IRF2: variants seen among roughly 807,000 people sequenced by gnomAD.
IRF2 encodes interferon regulatory factor 2.
IRF2 carries 15 observed loss-of-function variants against 40.6 expected under a neutral mutation model. The observed-to-expected ratio is 0.37, with a 90% CI of 0.25 to 0.57. The LOEUF is 0.57. Among genes scored for constraint, IRF2 ranks in the 20% least tolerant of loss-of-function variants. The pLI is 0.77. For synonymous variants in IRF2, 151 were observed against 165.5 expected, an observed-to-expected ratio of 0.91 and a Z score of 0.67; for missense variants, 317 against 455.7, an observed-to-expected ratio of 0.70 and a Z score of 2.77.
chr4:184,392,475 G>T (rs1561080408), intron 7 of IRF2, among the ~76,000 whole-genome samples: 1 of 152,210 alleles, frequency 6.6e-6, no homozygotes, highest in East Asian at 1.9e-4. Context: ...TCTCACAGGG[G>T]TCCCACGTCA....
At position 184,424,734 on chromosome 4, in the gene IRF2, G is replaced by A. The variant is rs556021013; in HGVS notation, c.87+4244C>T. Among the ~76,000 whole-genome samples the A allele has an allele frequency of 9.9e-5, 15 of 152,284 alleles. No homozygotes were observed. The South Asian group carries it at 2.9e-3, about 29-fold the overall frequency. On this transcript the variant is annotated intron_variant, in intron 2 of 8. Coordinates refer to ENST00000393593, the MANE Select transcript of IRF2 (RefSeq NM_002199.4). ...CAAATTATCCAGAGTCAGGTATTCTGTTAGAAGCAACAGGGAACAGACTAA... is the reference window on the plus strand; with the variant it reads ...CAAATTATCCAGAGTCAGGTATTCTATTAGAAGCAACAGGGAACAGACTAA...
Position 184,389,000 on chromosome 4 carries a change from C to G in IRF2, c.808G>C (p.Gly270Arg). ...KQYLSNMGTR[G>R]SYLLPGMASF... ...GCCATGCCGGGCAGCAGGTAGGAGC[C>G]TCGAGTCCCCATGTTGCTGAGGTAC... Residue 270 changes from glycine to arginine, a missense_variant, in exon 9 of 9, where the codon GGC (glycine) becomes CGC (arginine). By Grantham distance (125) the Gly-to-Arg change is moderately radical (BLOSUM62 -2). Transcript: ENST00000393593. The surrounding 1 kb of genome is among the most constrained non-coding windows in gnomAD (Gnocchi z 4.6). 1 of 1,614,226 alleles carries G rather than the reference C, an allele frequency of 6.2e-7. No individual in the cohort carries two copies. The highest frequency in any genetic ancestry group is 1.3e-5 in the African/African-American group (1 of 75,054).
intron 1 of IRF2, among the ~76,000 whole-genome samples, chr4:184,473,447 G>C (rs1388409897): frequency 2.0e-5 from 3 of 147,510 alleles, no homozygotes; most frequent in African/African-American, 7.3e-5. Flanking sequence ...CTGACCCCTC[G>C]GCACGGTGCC....
intron 6 of IRF2, among the ~76,000 whole-genome samples, chr4:184,405,065 A>AAACT (rs1364845877): frequency 6.6e-6 from 1 of 152,138 alleles, no homozygotes; most frequent in Admixed American, 6.5e-5. Flanking sequence ...CAACATGGTG[A>AAACT]AACTCCATCT....
At chr4:184,415,529 T>C (rs1467605000) in intron 5 of IRF2, among the ~76,000 whole-genome samples, 1 of 152,158 alleles carries the variant, frequency 6.6e-6, no homozygotes, top group Admixed American at 6.5e-5. Context: ...AGATGTACAT[T>C]TCCTCGCATT....
intron 2 of IRF2, chr4:184,428,708 AG>A: frequency 1.9e-6 from 1 of 513,796 alleles, no homozygotes; most frequent in Non-Finnish European, 3.8e-6. Context: ...CTGAGGTGGG[AG>A]GATCACTTGA....
Position 184,413,568 on chromosome 4 carries a change from G to A in IRF2, c.411+4599C>T, listed in dbSNP as rs1737151281. Among the ~76,000 whole-genome samples the A allele has an allele frequency of 6.6e-6, 1 of 152,206 alleles. No individual in the cohort carries two copies. Among genetic ancestry groups the A allele is most frequent in the Admixed American group, 6.5e-5 (1 of 15,290 alleles). ...TAATCCAGCTCAGGTCACTGTTAGAGCCAACAGCTCTATGAGAAAGAGCAG... is the reference window on the plus strand; with the variant it reads ...TAATCCAGCTCAGGTCACTGTTAGAACCAACAGCTCTATGAGAAAGAGCAG... On this transcript the variant is annotated intron_variant, in intron 5 of 8. Transcript: ENST00000393593. This position sits in a 1 kb window ranked among gnomAD's most constrained non-coding sequence, Gnocchi z 4.2.
At chr4:184,418,345 A>G (rs1737354942) in intron 4 of IRF2, 132 bp from the exon 5 acceptor site, 1 of 968,050 alleles carries the variant, frequency 1.0e-6, no homozygotes, top group Non-Finnish European at 1.6e-6. Context: ...AAAATTCCAC[A>G]TGTATCTTTC....
Position 184,388,425 on chromosome 4 carries a change from A to G in IRF2, c.*333T>C, listed in dbSNP as rs1352094327. ...GAATAAAAAATTCCAGCTAGTTCAC[A>G]TTATCTCGTCCGTTCTGAGGCATCC... On this transcript the variant is annotated 3_prime_UTR_variant, in exon 9 of 9. Coordinates refer to ENST00000393593, the MANE Select transcript of IRF2 (RefSeq NM_002199.4). This position sits in a 1 kb window ranked among gnomAD's most constrained non-coding sequence, Gnocchi z 4.6. The G allele has an allele frequency of 3.8e-5, 11 of 291,152 alleles. No individual in the cohort carries two copies. The highest frequency in any genetic ancestry group is 6.4e-5 in the Non-Finnish European group (10 of 157,398). The allele number at this position is 291,152 out of a possible 1,614,324, so 18.0% of individuals were successfully genotyped here. A position where few individuals can be genotyped will look rare whatever the true frequency, so the allele number is the denominator to read the frequency against.
At chr4:184,439,540 G>A (rs1394316165) in intron 1 of IRF2, among the ~76,000 whole-genome samples, 2 of 152,062 alleles carry the variant, frequency 1.3e-5, no homozygotes, top group Admixed American at 6.6e-5. Flanking sequence ...AAAACAGGAG[G>A]CCAGTGGTGA....
At chr4:184,391,580 A>C (rs1422082661) in intron 7 of IRF2, among the ~76,000 whole-genome samples, 1 of 152,198 alleles carries the variant, frequency 6.6e-6, no homozygotes, top group African/African-American at 2.4e-5. Context: ...TGCCAAAACC[A>C]CATGAGCTTG....
At chr4:184,438,543 C>T (rs1738171991) in intron 1 of IRF2, among the ~76,000 whole-genome samples, 1 of 152,064 alleles carries the variant, frequency 6.6e-6, no homozygotes, top group African/African-American at 2.4e-5. Flanking sequence ...TGGACTGCCT[C>T]CCGACAGTGT....
At chr4:184,471,279 C>A (rs753131694) in intron 1 of IRF2, among the ~76,000 whole-genome samples, 1 of 152,172 alleles carries the variant, frequency 6.6e-6, no homozygotes, top group Non-Finnish European at 1.5e-5. Context: ...TTACAGCTAA[C>A]CCCAAAAGGT....
At position 184,463,080 on chromosome 4, in the gene IRF2, T is replaced by C. The variant is rs1260246068; in HGVS notation, c.-7+11299A>G. Among the ~76,000 whole-genome samples, 5 of 152,346 alleles carry C rather than the reference T, an allele frequency of 3.3e-5. No homozygotes were observed. In the East Asian group the frequency reaches 7.7e-4, roughly 23 times the overall value. On this transcript the variant is annotated intron_variant, in intron 1 of 8. Transcript: ENST00000393593. Reference sequence around the variant, plus strand: ...CAGTTCAAGAGTCTAGAATGAAACATTCATCTCATCAAGATGCAGATAGCT... The same window carrying C: ...CAGTTCAAGAGTCTAGAATGAAACACTCATCTCATCAAGATGCAGATAGCT...
At position 184,448,015 on chromosome 4, in the gene IRF2, C is replaced by T. The variant is rs944038375; in HGVS notation, c.-6-18945G>A. Among the ~76,000 whole-genome samples, 39 of 152,338 alleles carry T rather than the reference C, an allele frequency of 2.6e-4. No homozygotes were observed. The highest frequency in any genetic ancestry group is 9.1e-4 in the African/African-American group (38 of 41,578). On this transcript the variant is annotated intron_variant, in intron 1 of 8. Transcript: ENST00000393593. The surrounding 1 kb of genome is among the most constrained non-coding windows in gnomAD (Gnocchi z 4.3). ...GTCTCAATGGAGACTATCTTCGTTA[C>T]AGCAAAGACACATTCAAGTACTCAG... is the stretch of plus-strand genomic sequence containing the variant.
At chr4:184,459,716 T>A (rs1739066522) in intron 1 of IRF2, among the ~76,000 whole-genome samples, 1 of 152,154 alleles carries the variant, frequency 6.6e-6, no homozygotes, top group Non-Finnish European at 1.5e-5. Flanking sequence ...ACATTCCTCC[T>A]AAGAAGATAT....
At position 184,429,026 on chromosome 4, in the gene IRF2, C is replaced by T. The variant is rs1055828512; in HGVS notation, c.39G>A (p.Glu13=). 1.9e-6 allele frequency: 3 copies of T among 1,614,160 alleles called. No individual in the cohort carries two copies. Among genetic ancestry groups the T allele is most frequent in the Non-Finnish European group, 2.5e-6 (3 of 1,179,970 alleles). ...VERMRMRPWL[E]EQINSNTIPG... ...GGATCGTGTTGGAGTTTATCTGCTCCTCCAGCCACGGGCGCATGCGCATCC... is the reference window on the plus strand; with the variant it reads ...GGATCGTGTTGGAGTTTATCTGCTCTTCCAGCCACGGGCGCATGCGCATCC... The change falls in exon 2 of 9, where the codon GAG becomes GAA. Residue 13 remains glutamate, a synonymous_variant. Transcript: ENST00000393593.
intron 1 of IRF2, among the ~76,000 whole-genome samples, chr4:184,458,441 T>C (rs1016152052): frequency 2.6e-5 from 4 of 152,250 alleles, no homozygotes; most frequent in Non-Finnish European, 4.4e-5. Flanking sequence ...AATTGTCTGC[T>C]GAAGGAATGA....
chr4:184,418,479 A>G, intron 4 of IRF2, 53 bp downstream of exon 4: 2 of 1,510,476 alleles, frequency 1.3e-6, no homozygotes, highest in Non-Finnish European at 1.8e-6. Context: ...GAGATCACGA[A>G]GGCACGATGA....
Sources: allele counts gnomAD v4.1 joint callset (sites outside exome capture counted in the v4.1 genomes callset), GRCh38; gene constraint gnomAD v4.1.1; non-coding constraint Gnocchi (gnomAD v3.1); transcripts MANE v1.5; gene names NCBI Gene and HGNC (gene_info 2026-07-23, HGNC 2026-07-21).